LXN: variants seen among roughly 807,000 people sequenced by gnomAD.
The protein encoded by LXN is latexin.
In LXN, 28 loss-of-function variants were observed where a neutral mutation model predicts 29.8. The ratio of observed to expected loss-of-function variants is 0.94; its 90% CI spans 0.70 to 1.29. The LOEUF (loss-of-function observed/expected upper bound fraction) is 1.29. Among genes scored for constraint, LXN ranks in the 50% most tolerant of loss-of-function variants. The pLI is 0.00. For missense variants in LXN, 227 were observed against 261.7 expected (o/e 0.87, Z 0.92); for synonymous variants, 77 against 89.6 (o/e 0.86, Z 0.80).
intron 4 of LXN, 102 bp from the exon 5 acceptor site, chr3:158,667,176 C>T: frequency 2.5e-6 from 3 of 1,217,088 alleles, no homozygotes; most frequent in Non-Finnish European, 3.3e-6. Context: ...TATAATATTT[C>T]CATTTAGGTA....
At chr3:158,667,659 G>T (rs1454432744) in intron 4 of LXN, among the ~76,000 whole-genome samples, 3 of 152,108 alleles carry the variant, frequency 2.0e-5, no homozygotes, top group Admixed American at 1.3e-4. Context: ...ATGCCTGTGT[G>T]TGCCTGTACT....
chr3:158,672,074 A>G (rs1724372667), intron 1 of LXN, among the ~76,000 whole-genome samples: 1 of 152,158 alleles, frequency 6.6e-6, no homozygotes, highest in African/African-American at 2.4e-5. Flanking sequence ...GCTGCCCCTT[A>G]CCTAGAGCGT....
At chr3:158,669,178 C>T (rs773894222) in intron 3 of LXN, 46 bp from the exon 4 acceptor site, 10 of 1,510,730 alleles carry the variant, frequency 6.6e-6, no homozygotes, top group Non-Finnish European at 9.0e-6. Flanking sequence ...ATAGTATTAA[C>T]CTTTTAAAAC....
In LXN at chr3:158,666,620, T is replaced by C. The variant is rs1723712156; in HGVS notation, c.*26A>G. Reference sequence around the variant, plus strand: ...TGGCATACACATCAATAGACATGTTTACACTTCCAGTGTTAGGGTTTTTGT... The same window carrying C: ...TGGCATACACATCAATAGACATGTTCACACTTCCAGTGTTAGGGTTTTTGT... On this transcript the variant is annotated 3_prime_UTR_variant, in exon 6 of 6. Transcript: ENST00000264265. 3 of 1,582,532 alleles carry C rather than the reference T, an allele frequency of 1.9e-6. No individual in the cohort carries two copies. The South Asian group carries it at 3.3e-5, about 18-fold the overall frequency.
At chr3:158,666,827 T>G in intron 5 of LXN, 83 bp from the exon 6 acceptor site, 1 of 1,441,394 alleles carries the variant, frequency 6.9e-7, no homozygotes, top group Non-Finnish European at 9.6e-7. Context: ...TTGTTAGAGA[T>G]AAAACAGTCT....
At chr3:158,670,812 G>A in intron 2 of LXN, 145 bp downstream of exon 2, 1 of 1,202,752 alleles carries the variant, frequency 8.3e-7, no homozygotes, top group East Asian at 3.7e-5. Context: ...ATGCACCTGT[G>A]GTCCCAGCTA....
chr3:158,670,181 G>T (rs1724141652), intron 2 of LXN, among the ~76,000 whole-genome samples: 1 of 152,186 alleles, frequency 6.6e-6, no homozygotes, highest in Admixed American at 6.5e-5. Context: ...GGTACAGATT[G>T]CAGTTCCTTT....
intron 1 of LXN, among the ~76,000 whole-genome samples, chr3:158,671,373 A>G (rs1226808218): frequency 6.6e-6 from 1 of 152,240 alleles, no homozygotes; most frequent in African/African-American, 2.4e-5. Context: ...CACCTTTGAA[A>G]AGATTTTTTC....
intron 3 of LXN, 96 bp from the exon 4 acceptor site, chr3:158,669,228 T>A: frequency 7.4e-7 from 1 of 1,351,068 alleles, no homozygotes; most frequent in Admixed American, 2.5e-5. Context: ...TTCCTTCGAA[T>A]GTTGTGCAAA....
At chr3:158,666,960 A>G in intron 5 of LXN, 52 bp downstream of exon 5, 2 of 1,565,444 alleles carry the variant, frequency 1.3e-6, no homozygotes, top group African/African-American at 1.4e-5. Context: ...GTGGCTATAC[A>G]AGGAGTCTCA....
In LXN at chr3:158,672,419, G is replaced by A. The variant is rs755807694; in HGVS notation, c.60C>T (p.Tyr20=). The A allele has an allele frequency of 5.0e-6, 8 of 1,614,114 alleles. No homozygotes were observed. Among genetic ancestry groups the A allele is most frequent in the South Asian group, 2.2e-5 (2 of 91,078 alleles). ...GCGGGGTCCCCTGCTGGTAGTTGAT[G>A]TAGTTCTGTGCCACCAAGGCCGCCC... The part of the protein sequence containing the change: ...ASRAALVAQN[Y]INYQQGTPHR... Residue 20 remains tyrosine, a synonymous_variant, in exon 1 of 6, where the codon TAC becomes TAT. Coordinates refer to ENST00000264265, the MANE Select transcript of LXN (RefSeq NM_020169.4).
At chr3:158,671,320 TAAG>T (rs1464811923) in intron 1 of LXN, among the ~76,000 whole-genome samples, 1 of 152,220 alleles carries the variant, frequency 6.6e-6, no homozygotes, top group Admixed American at 6.5e-5. Flanking sequence ...AGTCTCTACA[TAAG>T]AAAGTTTGAA....
chr3:158,669,371 G>C, intron 3 of LXN, 62 bp downstream of exon 3: 1 of 1,484,918 alleles, frequency 6.7e-7, no homozygotes, highest in Non-Finnish European at 9.2e-7. Context: ...TTTAAGCACA[G>C]ATAATTGAGA....
At chr3:158,671,624 A>G (rs1724321919) in intron 1 of LXN, among the ~76,000 whole-genome samples, 1 of 152,266 alleles carries the variant, frequency 6.6e-6, no homozygotes, top group Non-Finnish European at 1.5e-5. Flanking sequence ...TCAAAATAAG[A>G]TCTACTGTGT....
At chr3:158,669,229 G>A in intron 3 of LXN, 97 bp from the exon 4 acceptor site, 2 of 1,344,284 alleles carry the variant, frequency 1.5e-6, no homozygotes, top group Non-Finnish European at 2.0e-6. Context: ...TCCTTCGAAT[G>A]TTGTGCAAAA....
intron 2 of LXN, 152 bp downstream of exon 2, chr3:158,670,805 C>T: frequency 8.6e-7 from 1 of 1,165,614 alleles, no homozygotes; most frequent in South Asian, 2.5e-5. Context: ...TAGTGGCATG[C>T]ACCTGTGGTC....
In LXN at chr3:158,666,771, G is replaced by A. The variant is rs372506099; in HGVS notation, c.571-27C>T. On this transcript the variant is annotated intron_variant, in intron 5 of 5. Transcript: ENST00000264265. ...TGCAAGTGAAGAAAATTAATGCCAT[G>A]ATAAAATTCAGAAAACATTTAGGAA... 26 of 1,586,414 alleles carry A rather than the reference G, an allele frequency of 1.6e-5. No individual in the cohort carries two copies. In the African/African-American group the frequency reaches 3.4e-4, roughly 21 times the overall value.
rs143453812 is a variant in LXN, at chr3:158,667,757, C to T, written c.508-683G>A. ...GAGCCATGATCACACTAATGCACTC[C>T]AGCCTGGGCAACAGAGTGAAACCCT... is the stretch of plus-strand genomic sequence containing the variant. On this transcript the variant is annotated intron_variant, in intron 4 of 5. Transcript: ENST00000264265. Among the ~76,000 whole-genome samples the T allele has an allele frequency of 3.7e-3, 558 of 152,270 alleles. 3 individuals are homozygous for T. Among genetic ancestry groups the T allele is most frequent in the African/African-American group, 0.013 (541 of 41,538 alleles).
Position 158,672,432 on chromosome 3 carries a change from ACCAAGGCCG to A in LXN, c.38_46del (p.Ala13_Leu15del), listed in dbSNP as rs1337209577. On this transcript the variant is annotated inframe_deletion, in exon 1 of 6. Transcript: ENST00000264265. ...CTGGTAGTTGATGTAGTTCTGTGCC[ACCAAGGCCG>A]CCCTGGAGGCTGGGTAGTTGGTCGG... 3.1e-6 allele frequency: 5 copies of A among 1,613,912 alleles called. No individual in the cohort carries two copies. The highest frequency in any genetic ancestry group is 3.4e-6 in the Non-Finnish European group (4 of 1,179,964).
Sources: gnomAD v4.1 joint callset for allele counts (sites outside exome capture counted in the v4.1 genomes callset) on GRCh38, gnomAD v4.1.1 for gene constraint, MANE v1.5 for transcripts, NCBI Gene and HGNC (gene_info 2026-07-23, HGNC 2026-07-21) for gene names.